Variants in PPP3CA observed in about 807,000 individuals in gnomAD.
The protein encoded by PPP3CA is CAM-PRP catalytic subunit.
Under a neutral mutation model 66.5 loss-of-function variants are expected in PPP3CA, and 14 were observed. That is an observed-to-expected ratio of 0.21 (90% CI 0.14 to 0.33). The LOEUF (loss-of-function observed/expected upper bound fraction) is 0.33, where lower values mean the gene tolerates loss of function less well. Among genes scored for constraint, PPP3CA ranks in the 10% least tolerant of loss-of-function variants. PPP3CA has a pLI of 1.00. For missense variants in PPP3CA, 317 were observed against 639.5 expected, an observed-to-expected ratio of 0.50 and a Z score of 5.44; for synonymous variants, 232 against 226.2, an observed-to-expected ratio of 1.03 and a Z score of -0.23.
intron 2 of PPP3CA, among the ~76,000 whole-genome samples, chr4:101,178,056 T>C (rs2110172402): frequency 6.6e-6 from 1 of 152,254 alleles, no homozygotes; most frequent in Non-Finnish European, 1.5e-5. Flanking sequence ...TGAGGAGCTT[T>C]TCAACATTAT....
At chr4:101,223,910 A>G (rs1476818066) in intron 1 of PPP3CA, among the ~76,000 whole-genome samples, 1 of 151,828 alleles carries the variant, frequency 6.6e-6, no homozygotes, top group Non-Finnish European at 1.5e-5. Flanking sequence ...GAAGTACCAG[A>G]AAAGTCAACA....
At chr4:101,200,583 T>C (rs1051600485) in intron 1 of PPP3CA, among the ~76,000 whole-genome samples, 3 of 152,200 alleles carry the variant, frequency 2.0e-5, no homozygotes, top group African/African-American at 4.8e-5. Context: ...TAGTGATCTT[T>C]TGAGCCTATA....
In PPP3CA at chr4:101,178,583, T is replaced by C. The variant is rs137925618; in HGVS notation, c.259+17333A>G. Reference sequence around the variant, plus strand: ...GTCCTTTGACCAATCAGGATACATATTTTGCTAAAACCCTTCCTCTCTTTG... The same window carrying C: ...GTCCTTTGACCAATCAGGATACATACTTTGCTAAAACCCTTCCTCTCTTTG... On this transcript the variant is annotated intron_variant, in intron 2 of 13. Coordinates refer to ENST00000394854, the MANE Select transcript of PPP3CA (RefSeq NM_000944.5). Among the ~76,000 whole-genome samples, 732 of 152,196 alleles carry C rather than the reference T, an allele frequency of 4.8e-3. 3 individuals carry two copies. The highest frequency in any genetic ancestry group is 0.016 in the African/African-American group (677 of 41,530).
intron 2 of PPP3CA, among the ~76,000 whole-genome samples, chr4:101,140,934 G>A (rs912579315): frequency 6.6e-6 from 1 of 152,176 alleles, no homozygotes. Context: ...AATTATCTAT[G>A]AGATACTTTT....
At chr4:101,147,667 AT>A (rs1723012890) in intron 2 of PPP3CA, among the ~76,000 whole-genome samples, 1 of 151,914 alleles carries the variant, frequency 6.6e-6, no homozygotes, top group South Asian at 2.1e-4. Flanking sequence ...ACAATTGCTA[AT>A]TTTTTCCTTG....
At chr4:101,208,524 T>A (rs1181143140) in intron 1 of PPP3CA, among the ~76,000 whole-genome samples, 1 of 152,200 alleles carries the variant, frequency 6.6e-6, no homozygotes, top group Non-Finnish European at 1.5e-5. Context: ...CAGTTCTATA[T>A]TTCACGATAG....
At chr4:101,101,941 C>G (rs1298441794) in intron 3 of PPP3CA, among the ~76,000 whole-genome samples, 6 of 152,174 alleles carry the variant, frequency 3.9e-5, no homozygotes, top group African/African-American at 1.2e-4. Context: ...GAATCACATT[C>G]TAGGACCCAC....
intron 1 of PPP3CA, among the ~76,000 whole-genome samples, chr4:101,321,585 G>T (rs904599555): frequency 6.6e-6 from 1 of 152,004 alleles, no homozygotes; most frequent in African/African-American, 2.4e-5. Flanking sequence ...TCCCCCAAAA[G>T]CTATCTATAA....
chr4:101,329,492 T>C (rs1040953465), intron 1 of PPP3CA, among the ~76,000 whole-genome samples: 26 of 152,112 alleles, frequency 1.7e-4, no homozygotes, highest in Non-Finnish European at 3.4e-4. Context: ...AGACCTTGCT[T>C]AAGATCATTA....
chr4:101,344,192 C>G (rs1262105095), intron 1 of PPP3CA, among the ~76,000 whole-genome samples: 1 of 152,060 alleles, frequency 6.6e-6, no homozygotes, highest in Non-Finnish European at 1.5e-5. Context: ...CTAATTTTTG[C>G]AAATTAAATC....
intron 1 of PPP3CA, among the ~76,000 whole-genome samples, chr4:101,282,174 C>G (rs1181675290): frequency 6.6e-6 from 1 of 152,180 alleles, no homozygotes; most frequent in African/African-American, 2.4e-5. Flanking sequence ...GGCTTAACTG[C>G]TAAGGCCAAT....
At chr4:101,337,608 C>G (rs1729670904) in intron 1 of PPP3CA, among the ~76,000 whole-genome samples, 4 of 152,194 alleles carry the variant, frequency 2.6e-5, no homozygotes. Flanking sequence ...TAGTCTTCAA[C>G]TCTTTGAAAT....
rs943307113 is a variant in PPP3CA, at chr4:101,334,276, A to G, written c.58+12463T>C. Among the ~76,000 whole-genome samples, 5 of 152,122 alleles carry G rather than the reference A, an allele frequency of 3.3e-5. No individual in the cohort carries two copies. In the East Asian group the frequency reaches 9.6e-4, roughly 29 times the overall value. On this transcript the variant is annotated intron_variant, in intron 1 of 13. Transcript: ENST00000394854. ...CAGCCTCCCAAGTAGCTGGGATTACAGGCGCATGACACCACGCACAGCTAA... is the reference window on the plus strand; with the variant it reads ...CAGCCTCCCAAGTAGCTGGGATTACGGGCGCATGACACCACGCACAGCTAA...
At chr4:101,297,657 A>C (rs1728239369) in intron 1 of PPP3CA, among the ~76,000 whole-genome samples, 1 of 152,150 alleles carries the variant, frequency 6.6e-6, no homozygotes. Context: ...TGGATTCTGC[A>C]TATAACCTAC....
At chr4:101,168,064 C>T (rs1723749741) in intron 2 of PPP3CA, among the ~76,000 whole-genome samples, 1 of 151,884 alleles carries the variant, frequency 6.6e-6, no homozygotes. Context: ...AGAATGGGGG[C>T]AGAGGGAAGC....
chr4:101,152,084 A>G (rs1250146412), intron 2 of PPP3CA, among the ~76,000 whole-genome samples: 1 of 152,252 alleles, frequency 6.6e-6, no homozygotes, highest in Non-Finnish European at 1.5e-5. Flanking sequence ...TTGAAACTTA[A>G]GAATTTTTTC....
chr4:101,263,513 C>A (rs1473021777), intron 1 of PPP3CA, among the ~76,000 whole-genome samples: 1 of 151,972 alleles, frequency 6.6e-6, no homozygotes, highest in African/African-American at 2.4e-5. Context: ...AAGGTGTGTT[C>A]CTTACTGTCA....
At chr4:101,236,636 A>G (rs1387765355) in intron 1 of PPP3CA, among the ~76,000 whole-genome samples, 1 of 151,988 alleles carries the variant, frequency 6.6e-6, no homozygotes, top group African/African-American at 2.4e-5. Context: ...TATAGAAGGC[A>G]GGGAAGCACT....
chr4:101,113,653 C>T (rs1721748852), intron 2 of PPP3CA, among the ~76,000 whole-genome samples: 1 of 152,052 alleles, frequency 6.6e-6, no homozygotes, highest in African/African-American at 2.4e-5. Flanking sequence ...TCTCATTCAC[C>T]ATTTTGATAT....
Sources: gnomAD v4.1 joint callset for allele counts (sites outside exome capture counted in the v4.1 genomes callset) on GRCh38, gnomAD v4.1.1 for gene constraint, MANE v1.5 for transcripts, NCBI Gene and HGNC (gene_info 2026-07-23, HGNC 2026-07-21) for gene names.